The following ADAMTSL1 variants were observed in gnomAD, a reference collection of about 807,000 sequenced individuals.
ADAMTSL1 encodes ADAMTS like 1.
Under a neutral mutation model 201.8 loss-of-function variants are expected in ADAMTSL1, and 126 were observed. The observed-to-expected ratio is 0.62, with a 90% CI of 0.54 to 0.72. The LOEUF (loss-of-function observed/expected upper bound fraction) is 0.72. ADAMTSL1 is among the 30% of genes least tolerant of loss of function. ADAMTSL1 has a pLI of 0.00. For missense variants in ADAMTSL1, 2,679 were observed against 2,277.8 expected (o/e 1.18, Z -3.59); for synonymous variants, 1,121 against 903.4 (o/e 1.24, Z -4.32).
intron 2 of ADAMTSL1, among the ~76,000 whole-genome samples, chr9:18,429,144 T>C (rs1346770012): frequency 6.6e-6 from 1 of 152,224 alleles, no homozygotes; most frequent in Non-Finnish European, 1.5e-5. Flanking sequence ...CATACACGTA[T>C]GTGAATTTGC....
intron 2 of ADAMTSL1, among the ~76,000 whole-genome samples, chr9:18,460,850 T>C (rs1820781592): frequency 6.6e-6 from 1 of 152,122 alleles, no homozygotes; most frequent in Non-Finnish European, 1.5e-5. Context: ...CACATTTCAG[T>C]GAAAATCACC....
intron 26 of ADAMTSL1, among the ~76,000 whole-genome samples, chr9:18,900,239 C>T (rs1374927575): frequency 6.6e-6 from 1 of 152,210 alleles, no homozygotes; most frequent in African/African-American, 2.4e-5. Flanking sequence ...GATAACATCT[C>T]ATGCCAGTCA....
At chr9:18,773,731 G>C (rs1305335850) in intron 17 of ADAMTSL1, among the ~76,000 whole-genome samples, 1 of 152,190 alleles carries the variant, frequency 6.6e-6, no homozygotes, top group Admixed American at 6.5e-5. Flanking sequence ...GAAAGAGCTA[G>C]ACTTGACCAA....
intron 1 of ADAMTSL1, among the ~76,000 whole-genome samples, chr9:18,061,154 T>G (rs1387166036): frequency 6.6e-6 from 1 of 152,204 alleles, no homozygotes; most frequent in Non-Finnish European, 1.5e-5. Flanking sequence ...GAGCCATGAC[T>G]TATTATCAGA....
At chr9:18,504,803 G>A in intron 1 of ADAMTSL1, 26 bp from the exon 2 acceptor site, 1 of 1,614,172 alleles carries the variant, frequency 6.2e-7, no homozygotes, top group Non-Finnish European at 8.5e-7. Context: ...GGGATATGAT[G>A]CTGACCATTC....
intron 1 of ADAMTSL1, among the ~76,000 whole-genome samples, chr9:18,026,976 A>G (rs1820723914): frequency 6.6e-6 from 1 of 151,212 alleles, no homozygotes; most frequent in Non-Finnish European, 1.5e-5. Flanking sequence ...TTTCCTCTAG[A>G]TTTTCTAGTT....
At chr9:18,422,236 T>C (rs1282522820) in intron 2 of ADAMTSL1, among the ~76,000 whole-genome samples, 1 of 152,134 alleles carries the variant, frequency 6.6e-6, no homozygotes, top group Non-Finnish European at 1.5e-5. Flanking sequence ...CTAGGATGTT[T>C]GCCACTTTGT....
intron 1 of ADAMTSL1, among the ~76,000 whole-genome samples, chr9:18,036,833 C>T (rs1300778723): frequency 6.6e-6 from 1 of 152,088 alleles, no homozygotes; most frequent in Non-Finnish European, 1.5e-5. Flanking sequence ...TAATACTCTC[C>T]CTTTCATCAT....
At chr9:18,199,792 C>T (rs1318184999) in intron 2 of ADAMTSL1, among the ~76,000 whole-genome samples, 1 of 152,028 alleles carries the variant, frequency 6.6e-6, no homozygotes, top group Non-Finnish European at 1.5e-5. Context: ...TAAAATTCTT[C>T]ATTATTGGTA....
intron 2 of ADAMTSL1, among the ~76,000 whole-genome samples, chr9:18,289,308 T>C (rs1833157170): frequency 6.6e-6 from 1 of 152,134 alleles, no homozygotes; most frequent in Non-Finnish European, 1.5e-5. Context: ...ACTGATGGTA[T>C]AGTTCCAGTC....
At chr9:18,266,847 A>G (rs1832137375) in intron 2 of ADAMTSL1, among the ~76,000 whole-genome samples, 1 of 152,102 alleles carries the variant, frequency 6.6e-6, no homozygotes, top group African/African-American at 2.4e-5. Context: ...AAAAGAGTTG[A>G]TTAGGTTTCA....
At chr9:18,731,728 T>C (rs572924221) in intron 15 of ADAMTSL1, among the ~76,000 whole-genome samples, 1 of 152,194 alleles carries the variant, frequency 6.6e-6, no homozygotes, top group East Asian at 1.9e-4. Context: ...CCAATCATAG[T>C]GGAAGGCAGA....
chr9:17,970,373 A>G (rs1485870477), intron 1 of ADAMTSL1, among the ~76,000 whole-genome samples: 1 of 151,990 alleles, frequency 6.6e-6, no homozygotes, highest in Admixed American at 6.6e-5. Context: ...TCATGTGAGC[A>G]TCTATGCCAT....
chr9:18,530,611 T>C (rs991570172), intron 2 of ADAMTSL1, among the ~76,000 whole-genome samples: 5 of 152,200 alleles, frequency 3.3e-5, no homozygotes, highest in Non-Finnish European at 7.3e-5. Context: ...TGCCTTTGCT[T>C]AGTTTCTTCT....
chr9:18,289,233 G>A (rs1833154698), intron 2 of ADAMTSL1, among the ~76,000 whole-genome samples: 1 of 151,660 alleles, frequency 6.6e-6, no homozygotes, highest in Admixed American at 6.6e-5. Context: ...TAAGGCCTTG[G>A]CTCACATTAT....
intron 1 of ADAMTSL1, among the ~76,000 whole-genome samples, chr9:17,999,626 T>A (rs1310031359): frequency 2.6e-5 from 4 of 151,840 alleles, no homozygotes; most frequent in Non-Finnish European, 4.4e-5. Context: ...TATTATACTT[T>A]AAGTTTTAGG....
intron 13 of ADAMTSL1, among the ~76,000 whole-genome samples, chr9:18,703,701 C>CATACATATATATATATATATATATATAT (rs1295764808): frequency 6.3e-5 from 5 of 78,820 alleles, no homozygotes; most frequent in African/African-American, 1.9e-4. Flanking sequence ...TGCGCACATA[C>CATACATATATATATATATATATATATAT]ATATATATAT....
chr9:18,199,113 G>A (rs898200064), intron 2 of ADAMTSL1, among the ~76,000 whole-genome samples: 20 of 145,252 alleles, frequency 1.4e-4, no homozygotes, highest in African/African-American at 2.8e-4. Context: ...CTGTTGTGGG[G>A]TCGGGGGAGG....
intron 2 of ADAMTSL1, among the ~76,000 whole-genome samples, chr9:18,216,755 G>A (rs1035291140): frequency 8.7e-5 from 13 of 149,236 alleles, no homozygotes; most frequent in African/African-American, 2.7e-4. Context: ...TCCTCTTGGT[G>A]AATGCTGACT....
Sources: allele counts gnomAD v4.1 joint callset (sites outside exome capture counted in the v4.1 genomes callset), GRCh38; gene constraint gnomAD v4.1.1; transcripts MANE v1.5; gene names NCBI Gene and HGNC (gene_info 2026-07-23, HGNC 2026-07-21).